The following RBFOX1 variants were observed in gnomAD, a reference collection of about 807,000 sequenced individuals.
RBFOX1 encodes RNA binding protein fox-1 homolog 1.
In RBFOX1, 8 loss-of-function variants were observed where a neutral mutation model predicts 57.7. The ratio of observed to expected loss-of-function variants is 0.14; its 90% CI spans 0.08 to 0.25. RBFOX1 has a LOEUF of 0.25. Ranked by LOEUF, RBFOX1 falls within the 10% of genes least tolerant of loss-of-function variation. RBFOX1 has a pLI of 1.00. For missense variants in RBFOX1, 611 were observed against 548.5 expected (o/e 1.11, Z -1.14); for synonymous variants, 326 against 222.4 (o/e 1.47, Z -4.15).
intron 2 of RBFOX1, among the ~76,000 whole-genome samples, chr16:6,375,442 A>G (rs2091043722): frequency 6.6e-6 from 1 of 151,766 alleles, no homozygotes; most frequent in Non-Finnish European, 1.5e-5. Flanking sequence ...TCCTAGGATG[A>G]AGCCAAAAGA....
chr16:7,219,654 A>C (rs1603312541), intron 4 of RBFOX1, among the ~76,000 whole-genome samples: 1 of 152,296 alleles, frequency 6.6e-6, no homozygotes, highest in Non-Finnish European at 1.5e-5. Flanking sequence ...TCAAACTCGG[A>C]GTAAAACTGG....
At chr16:5,425,886 C>A (rs564302824) in intron 1 of RBFOX1, among the ~76,000 whole-genome samples, 1 of 152,296 alleles carries the variant, frequency 6.6e-6, no homozygotes, top group South Asian at 2.1e-4. Context: ...CCCCAAACGT[C>A]AAATCCTATG....
chr16:6,283,555 C>G (rs1240078360), intron 1 of RBFOX1, among the ~76,000 whole-genome samples: 1 of 151,972 alleles, frequency 6.6e-6, no homozygotes, highest in African/African-American at 2.4e-5. Context: ...GCCTCAAAAA[C>G]AAGCAAAAAT....
chr16:6,954,401 C>T (rs757256258), intron 3 of RBFOX1, among the ~76,000 whole-genome samples: 21 of 152,126 alleles, frequency 1.4e-4, no homozygotes, highest in Middle Eastern at 3.4e-3. Flanking sequence ...ATGTGTCCCT[C>T]GTTTGCATTT....
chr16:6,798,220 G>C (rs2084545353), intron 3 of RBFOX1, among the ~76,000 whole-genome samples: 1 of 152,138 alleles, frequency 6.6e-6, no homozygotes, highest in South Asian at 2.1e-4. Flanking sequence ...AGGTGCCTAA[G>C]AATCACTGGG....
chr16:7,498,524 G>A (rs1192796686), intron 4 of RBFOX1, among the ~76,000 whole-genome samples: 2 of 151,942 alleles, frequency 1.3e-5, no homozygotes, highest in Non-Finnish European at 2.9e-5. Flanking sequence ...TTTTATTCAA[G>A]CAGATATATC....
chr16:7,614,402 C>T (rs1470646120), intron 10 of RBFOX1: 1 of 151,874 alleles, frequency 6.6e-6, no homozygotes, highest in African/African-American at 2.4e-5. Flanking sequence ...CATATTTGGC[C>T]TTAATTTTTA....
At chr16:5,248,707 G>A (rs994662553) in intron 1 of RBFOX1, among the ~76,000 whole-genome samples, 1 of 152,098 alleles carries the variant, frequency 6.6e-6, no homozygotes, top group Non-Finnish European at 1.5e-5. Context: ...TAGGACAAGA[G>A]GGCCGGGCAC....
chr16:7,319,902 T>C (rs2096514713), intron 4 of RBFOX1, among the ~76,000 whole-genome samples: 4 of 152,154 alleles, frequency 2.6e-5, no homozygotes, highest in African/African-American at 9.7e-5. Flanking sequence ...GTTAAAAGAC[T>C]GGATGAGTCA....
At chr16:5,957,429 C>T (rs1013429687) in intron 4 of RBFOX1, among the ~76,000 whole-genome samples, 4 of 152,006 alleles carry the variant, frequency 2.6e-5, no homozygotes, top group Non-Finnish European at 5.9e-5. Context: ...TGGTCATGAA[C>T]CCCTCACCTG....
chr16:5,256,208 T>C (rs2151088913), intron 1 of RBFOX1, among the ~76,000 whole-genome samples: 1 of 152,288 alleles, frequency 6.6e-6, no homozygotes, highest in Non-Finnish European at 1.5e-5. Flanking sequence ...CTGTTTTAGC[T>C]GAGACTTGTG....
intron 1 of RBFOX1, among the ~76,000 whole-genome samples, chr16:6,158,958 A>T (rs1363988202): frequency 1.3e-5 from 2 of 151,812 alleles, no homozygotes; most frequent in African/African-American, 4.8e-5. Context: ...GCTGGAGTAC[A>T]GTAGTGCACT....
intron 1 of RBFOX1, among the ~76,000 whole-genome samples, chr16:6,096,291 A>G (rs2096244579): frequency 2.0e-5 from 3 of 152,326 alleles, no homozygotes; most frequent in Admixed American, 6.5e-5. Context: ...GGAAACGAAG[A>G]TGAAATTTTC....
At chr16:6,842,155 AAAATAAATAAAT>A (rs57858897) in intron 3 of RBFOX1, among the ~76,000 whole-genome samples, 116 of 148,138 alleles carry the variant, frequency 7.8e-4, no homozygotes, top group Non-Finnish European at 1.2e-3. Flanking sequence ...AAAAAAATAA[AAAATAAATAAAT>A]AAATAAATAA....
At chr16:6,691,874 G>A (rs139679228) in intron 3 of RBFOX1, among the ~76,000 whole-genome samples, 35 of 152,308 alleles carry the variant, frequency 2.3e-4, no homozygotes, top group African/African-American at 7.5e-4. Flanking sequence ...AGAAGTGACA[G>A]TGGAAGAATG....
chr16:5,969,973 C>G (rs781205830), intron 4 of RBFOX1, among the ~76,000 whole-genome samples: 1 of 152,092 alleles, frequency 6.6e-6, no homozygotes, highest in Non-Finnish European at 1.5e-5. Context: ...TCGCAGCTCA[C>G]TGGGGATACG....
intron 3 of RBFOX1, among the ~76,000 whole-genome samples, chr16:6,935,947 G>C (rs1045647539): frequency 1.3e-5 from 2 of 152,198 alleles, no homozygotes; most frequent in Non-Finnish European, 2.9e-5. Flanking sequence ...GCCGATGTGT[G>C]AATATGTCTG....
At chr16:6,244,014 A>G (rs1453759797) in intron 1 of RBFOX1, among the ~76,000 whole-genome samples, 3 of 152,102 alleles carry the variant, frequency 2.0e-5, no homozygotes, top group Non-Finnish European at 2.9e-5. Flanking sequence ...TTTCTTGCAC[A>G]TTATCTCTTA....
At chr16:6,749,148 C>G (rs11647904) in intron 3 of RBFOX1, among the ~76,000 whole-genome samples, 2 of 152,048 alleles carry the variant, frequency 1.3e-5, no homozygotes, top group African/African-American at 4.8e-5. Flanking sequence ...GGATGGCATT[C>G]GAGAGAAAAA....
Sources: allele counts gnomAD v4.1 joint callset (sites outside exome capture counted in the v4.1 genomes callset), GRCh38; gene constraint gnomAD v4.1.1; transcripts MANE v1.5; gene names NCBI Gene and HGNC (gene_info 2026-07-23, HGNC 2026-07-21).